Variants in ZFP36L2 observed in about 807,000 individuals in gnomAD.
ZFP36L2 encodes the protein ZFP36 like 2 zinc finger CCCH-type, also known as mRNA decay activator protein ZFP36L2.
ZFP36L2 carries 16 observed loss-of-function variants against 27.9 expected under a neutral mutation model. The observed-to-expected ratio is 0.57, with a 90% CI of 0.39 to 0.87. ZFP36L2 has a LOEUF of 0.87. Ranked by LOEUF, ZFP36L2 falls within the 40% of genes least tolerant of loss-of-function variation. The pLI, the probability that ZFP36L2 is intolerant of heterozygous loss-of-function variation, is 0.00. For missense variants in ZFP36L2, 989 were observed against 726.9 expected, an observed-to-expected ratio of 1.36 and a Z score of -4.15; for synonymous variants, 600 against 363.8, an observed-to-expected ratio of 1.65 and a Z score of -7.39.
Position 43,224,948 on chromosome 2 carries a change from G to T in ZFP36L2, c.856C>A (p.Arg286Ser), listed in dbSNP as rs1342586587. 1 of 1,550,890 alleles carries T rather than the reference G, an allele frequency of 6.4e-7. No homozygotes were observed. The highest frequency in any genetic ancestry group is 8.6e-7 in the Non-Finnish European group (1 of 1,164,830). The change falls in exon 2 of 2, where the codon CGC (arginine) becomes AGC (serine). Residue 286 changes from arginine to serine, a missense_variant. Physicochemically the swap from Arg to Ser is moderately radical, Grantham distance 110 (BLOSUM62 -1). Transcript: ENST00000282388. ...SPLLLDSPTS[R>S]TPPPPSCSSA... ...GAGCAGGAGGGCGGCGGCGGCGTGC[G>T]CGACGTGGGGCTGTCGAGCAGCAGC...
At position 43,224,183 on chromosome 2, in the gene ZFP36L2, CG is replaced by C. The variant is rs1572680248; in HGVS notation, c.*135del. The C allele has an allele frequency of 1.4e-5, 12 of 856,996 alleles. No individual in the cohort carries two copies. Among genetic ancestry groups the C allele is most frequent in the Non-Finnish European group, 1.9e-5 (12 of 638,696 alleles). The allele number at this position is 856,996 out of a possible 1,614,324, so 53.1% of individuals were successfully genotyped here. Reference sequence around the variant, plus strand: ...GGCACAGAGTTCGAGTCCAAGTGCTCGGTCGGGCTTGCAGTCTGCCTAGGGC... The same window carrying C: ...GGCACAGAGTTCGAGTCCAAGTGCTCGTCGGGCTTGCAGTCTGCCTAGGGC... On this transcript the variant is annotated 3_prime_UTR_variant, in exon 2 of 2. Coordinates refer to ENST00000282388, the MANE Select transcript of ZFP36L2 (RefSeq NM_006887.5).
In ZFP36L2 at chr2:43,223,272, A is replaced by G. The variant is rs1667007110; in HGVS notation, c.*1047T>C. ...AATTAAGAATTTTGTACTCATTTACAATAAAATAACCAAGTGAAGTTACAA... is the reference window on the plus strand; with the variant it reads ...AATTAAGAATTTTGTACTCATTTACGATAAAATAACCAAGTGAAGTTACAA... On this transcript the variant is annotated 3_prime_UTR_variant, in exon 2 of 2. Transcript: ENST00000282388. The G allele has an allele frequency of 6.6e-6, 1 of 152,338 alleles. No homozygotes were observed. The highest frequency in any genetic ancestry group is 1.5e-5 in the Non-Finnish European group (1 of 68,046). 9.4% of individuals were successfully genotyped at this position (152,338 alleles called of 1,614,324 possible).
chr2:43,225,839 ATTC>A, intron 1 of ZFP36L2, 87 bp from the exon 2 acceptor site: 1 of 1,376,110 alleles, frequency 7.3e-7, no homozygotes, highest in Non-Finnish European at 9.8e-7. Flanking sequence ...TCCCAGCCTG[ATTC>A]TTTTCCTTTT....
chr2:43,226,539 C>G lies in ZFP36L2; in HGVS notation c.-224G>C. 1.9e-6 allele frequency: 1 copy of G among 538,470 alleles called. No individual in the cohort carries two copies. Among genetic ancestry groups the G allele is most frequent in the African/African-American group, 2.0e-5 (1 of 49,020 alleles). The allele number at this position is 538,470 out of a possible 1,614,324, so 33.4% of individuals were successfully genotyped here. A position where few individuals can be genotyped will look rare whatever the true frequency, so the allele number is the denominator to read the frequency against. On this transcript the variant is annotated 5_prime_UTR_variant, in exon 1 of 2. Transcript: ENST00000282388. ...AAGGAGAGAAGCGAGGAGCGCTCCTCCGCGCCCCGGGGTGCCCGGCCCGCC... is the reference window on the plus strand; with the variant it reads ...AAGGAGAGAAGCGAGGAGCGCTCCTGCGCGCCCCGGGGTGCCCGGCCCGCC...
Position 43,225,530 on chromosome 2 carries a change from C to T in ZFP36L2, c.274G>A (p.Ala92Thr), listed in dbSNP as rs1027565558. ...GTGCCGTAGGAGGTCGGACCGCCGG[C>T]CGCCGCGCTGCCGCAGCTGCTGCCG... ...ANGSSCGSAA[A>T]GGPTSYGTLK... The change falls in exon 2 of 2, where the codon GCC (alanine) becomes ACC (threonine). Residue 92 changes from alanine to threonine, a missense_variant. Coordinates refer to ENST00000282388, the MANE Select transcript of ZFP36L2 (RefSeq NM_006887.5). 52 of 1,586,006 alleles carry T rather than the reference C, an allele frequency of 3.3e-5. No homozygotes were observed. The highest frequency in any genetic ancestry group is 4.2e-5 in the Non-Finnish European group (49 of 1,170,060).
Position 43,226,512 on chromosome 2 carries a change from G to A in ZFP36L2, c.-197C>T. Reference sequence around the variant, plus strand: ...AGGGTCCGGCGGAGTGCGGCAGGGGGGAAGGAGAGAAGCGAGGAGCGCTCC... The same window carrying A: ...AGGGTCCGGCGGAGTGCGGCAGGGGAGAAGGAGAGAAGCGAGGAGCGCTCC... On this transcript the variant is annotated 5_prime_UTR_variant, in exon 1 of 2. Coordinates refer to ENST00000282388, the MANE Select transcript of ZFP36L2 (RefSeq NM_006887.5). 1 of 632,128 alleles carries A rather than the reference G, an allele frequency of 1.6e-6. No homozygotes were observed. The highest frequency in any genetic ancestry group is 3.2e-5 in the East Asian group (1 of 31,042). 39.2% of individuals were successfully genotyped at this position (632,128 alleles called of 1,614,324 possible).
chr2:43,225,599 G>C lies in ZFP36L2; in HGVS notation c.205C>G (p.Pro69Ala). The C allele has an allele frequency of 6.4e-7, 1 of 1,558,144 alleles. No individual in the cohort carries two copies. The highest frequency in any genetic ancestry group is 8.6e-7 in the Non-Finnish European group (1 of 1,158,254). ...SNLHALAHPAPSPGSCSPKFP... is the reference protein window; with the variant it reads ...SNLHALAHPAASPGSCSPKFP... Reference sequence around the variant, plus strand: ...TTGGGCGAGCAGCTGCCGGGGCTGGGCGCGGGGTGGGCGAGTGCATGCAGG... The same window carrying C: ...TTGGGCGAGCAGCTGCCGGGGCTGGCCGCGGGGTGGGCGAGTGCATGCAGG... The change falls in exon 2 of 2, where the codon CCC becomes GCC. Residue 69 changes from proline (P) to alanine (A), a missense_variant. Coordinates refer to ENST00000282388, the MANE Select transcript of ZFP36L2 (RefSeq NM_006887.5).
At chr2:43,225,790 G>A (rs1013054714) in intron 1 of ZFP36L2, 38 bp from the exon 2 acceptor site, 2 of 1,557,620 alleles carry the variant, frequency 1.3e-6, no homozygotes, top group Middle Eastern at 1.7e-4. Context: ...GATGAAAAAC[G>A]GAAGGGGAAG....
rs1038456482 is a variant in ZFP36L2, at chr2:43,226,357, T to G, written c.-42A>C. 6.4e-7 allele frequency: 1 copy of G among 1,555,988 alleles called. No individual in the cohort carries two copies. The highest frequency in any genetic ancestry group is 8.7e-7 in the Non-Finnish European group (1 of 1,149,668). ...GTGGCCGGAGCGGCAGGCCGGGAGG[T>G]CGGGAGGAGCCCTTGGGGCGGCGTG... On this transcript the variant is annotated 5_prime_UTR_variant, in exon 1 of 2. Coordinates refer to ENST00000282388, the MANE Select transcript of ZFP36L2 (RefSeq NM_006887.5).
Position 43,225,344 on chromosome 2 carries a change from A to G in ZFP36L2, c.460T>C (p.Tyr154His), listed in dbSNP as rs375096815. 1.2e-6 allele frequency: 2 copies of G among 1,613,248 alleles called. No individual in the cohort carries two copies. Among genetic ancestry groups the G allele is most frequent in the Non-Finnish European group, 1.7e-6 (2 of 1,179,972 alleles). The part of the protein sequence containing the change: ...GGGSQINSTR[Y>H]KTELCRPFEE... ...AAGGGCCGGCACAGCTCGGTCTTGT[A>G]GCGCGTGGAGTTGATCTGGGAGCCG... The change falls in exon 2 of 2, where the codon TAC (tyrosine) becomes CAC (histidine). Residue 154 changes from tyrosine (Y) to histidine (H), a missense_variant. Transcript: ENST00000282388.
In ZFP36L2 at chr2:43,225,589, C is replaced by G; in HGVS notation, c.215G>C (p.Gly72Ala). Residue 72 changes from glycine to alanine, a missense_variant, in exon 2 of 2, where the codon GGC (glycine) becomes GCC (alanine). Coordinates refer to ENST00000282388, the MANE Select transcript of ZFP36L2 (RefSeq NM_006887.5). ...GCCCGGGAACTTGGGCGAGCAGCTG[C>G]CGGGGCTGGGCGCGGGGTGGGCGAG... Reference protein sequence around the residue: ...HALAHPAPSPGSCSPKFPGAA... With the variant: ...HALAHPAPSPASCSPKFPGAA... 6.4e-7 allele frequency: 1 copy of G among 1,559,526 alleles called. No individual in the cohort carries two copies. Among genetic ancestry groups the G allele is most frequent in the African/African-American group, 1.3e-5 (1 of 74,092 alleles).
Position 43,226,441 on chromosome 2 carries a change from C to T in ZFP36L2, c.-126G>A. On this transcript the variant is annotated 5_prime_UTR_variant, in exon 1 of 2. Transcript: ENST00000282388. ...GGGCGGGGAGGGGCCGAAAGTTTGCCGGGGGGCGAGAGGAGAGGGCGAGTG... is the reference window on the plus strand; with the variant it reads ...GGGCGGGGAGGGGCCGAAAGTTTGCTGGGGGGCGAGAGGAGAGGGCGAGTG... 7.8e-7 allele frequency: 1 copy of T among 1,283,174 alleles called. No individual in the cohort carries two copies. Among genetic ancestry groups the T allele is most frequent in the Non-Finnish European group, 1.1e-6 (1 of 916,186 alleles). 79.5% of individuals were successfully genotyped at this position (1,283,174 alleles called of 1,614,324 possible).
chr2:43,226,317 T>C lies in ZFP36L2; in HGVS notation c.-2A>G. The C allele has an allele frequency of 6.3e-7, 1 of 1,582,830 alleles. No homozygotes were observed. Among genetic ancestry groups the C allele is most frequent in the Non-Finnish European group, 8.6e-7 (1 of 1,163,358 alleles). On this transcript the variant is annotated 5_prime_UTR_variant, in exon 1 of 2. Coordinates refer to ENST00000282388, the MANE Select transcript of ZFP36L2 (RefSeq NM_006887.5). ...GGCGGACAGAAGTGTGGTCGACATG[T>C]TTCTGGATCCCGCAGTGGCCGGAGC...
chr2:43,224,802 C>T lies in ZFP36L2; in HGVS notation c.1002G>A (p.Leu334=), dbSNP rs966994006. ...GGTCCTCGGCGCCCCCGGTGCCGTA[C>T]AGCAGAGCGGCCGCAGCCGCGGCCG... The part of the protein sequence containing the change: ...SAAAAAAAAL[L]YGTGGAEDLL... The change falls in exon 2 of 2, where the codon CTG becomes CTA. Residue 334 remains leucine, a synonymous_variant. Transcript: ENST00000282388. The T allele has an allele frequency of 3.5e-6, 5 of 1,436,068 alleles. No homozygotes were observed. In the African/African-American group the frequency reaches 6.0e-5, roughly 17 times the overall value. 89.0% of individuals were successfully genotyped at this position (1,436,068 alleles called of 1,614,324 possible).
Position 43,223,722 on chromosome 2 carries a change from T to A in ZFP36L2, c.*597A>T, listed in dbSNP as rs1667018073. 6.6e-6 allele frequency: 1 copy of A among 151,744 alleles called. No homozygotes were observed. 9.4% of individuals were successfully genotyped at this position (151,744 alleles called of 1,614,324 possible). On this transcript the variant is annotated 3_prime_UTR_variant, in exon 2 of 2. Transcript: ENST00000282388. ...ATTCTGTTAAAAAACAAAAAACACCTATGGGCTGAGGGCTAACTATCAAGG... is the reference window on the plus strand; with the variant it reads ...ATTCTGTTAAAAAACAAAAAACACCAATGGGCTGAGGGCTAACTATCAAGG...
At position 43,224,811 on chromosome 2, in the gene ZFP36L2, GGCCGCA is replaced by G; in HGVS notation, c.987_992del (p.Ala331_Ala332del). On this transcript the variant is annotated inframe_deletion, in exon 2 of 2. Coordinates refer to ENST00000282388, the MANE Select transcript of ZFP36L2 (RefSeq NM_006887.5). ...CGCCCCCGGTGCCGTACAGCAGAGC[GGCCGCA>G]GCCGCGGCCGCCGCGGAGGCGCAGC... 1 of 1,422,610 alleles carries G rather than the reference GGCCGCA, an allele frequency of 7.0e-7. No individual in the cohort carries two copies. The highest frequency in any genetic ancestry group is 9.1e-7 in the Non-Finnish European group (1 of 1,101,844). The allele number at this position is 1,422,610 out of a possible 1,614,324, so 88.1% of individuals were successfully genotyped here. A position where few individuals can be genotyped will look rare whatever the true frequency, so the allele number is the denominator to read the frequency against.
Position 43,225,059 on chromosome 2 carries a change from C to G in ZFP36L2, c.745G>C (p.Glu249Gln). 2 of 1,594,882 alleles carry G rather than the reference C, an allele frequency of 1.3e-6. No individual in the cohort carries two copies. Among genetic ancestry groups the G allele is most frequent in the South Asian group, 1.1e-5 (1 of 90,880 alleles). ...CTGTGGTGCAACTTGGGCCGCGGCTCCCGCGGGAAGCCCAGGTGCAACGCA... is the reference window on the plus strand; with the variant it reads ...CTGTGGTGCAACTTGGGCCGCGGCTGCCGCGGGAAGCCCAGGTGCAACGCA... ...RDALHLGFPR[E>Q]PRPKLHHSLS... The change falls in exon 2 of 2, where the codon GAG becomes CAG. Residue 249 changes from glutamate (E) to glutamine (Q), a missense_variant. Transcript: ENST00000282388.
In ZFP36L2 at chr2:43,224,066, A is replaced by C; in HGVS notation, c.*253T>G. 1 of 371,846 alleles carries C rather than the reference A, an allele frequency of 2.7e-6. No individual in the cohort carries two copies. The highest frequency in any genetic ancestry group is 3.9e-5 in the East Asian group (1 of 25,382). 23.0% of individuals were successfully genotyped at this position (371,846 alleles called of 1,614,324 possible). A position where few individuals can be genotyped will look rare whatever the true frequency, so the allele number is the denominator to read the frequency against. ...TATTTTGTTCAACAGAAAAAGTTCG[A>C]CTTTTTTGCTCAAAAAGAATGAAAC... On this transcript the variant is annotated 3_prime_UTR_variant, in exon 2 of 2. Coordinates refer to ENST00000282388, the MANE Select transcript of ZFP36L2 (RefSeq NM_006887.5).
Position 43,224,776 on chromosome 2 carries a change from A to G in ZFP36L2, c.1028T>C (p.Leu343Pro). Residue 343 changes from leucine to proline, a missense_variant, in exon 2 of 2, where the codon CTG becomes CCG. Leu to Pro is a moderately conservative substitution (Grantham distance 98). Transcript: ENST00000282388. ...LLYGTGGAED[L>P]LAPGAPCAAC... Reference sequence around the variant, plus strand: ...CGCGCACGGGGCCCCCGGCGCCAGCAGGTCCTCGGCGCCCCCGGTGCCGTA... The same window carrying G: ...CGCGCACGGGGCCCCCGGCGCCAGCGGGTCCTCGGCGCCCCCGGTGCCGTA... 6.8e-7 allele frequency: 1 copy of G among 1,472,292 alleles called. No individual in the cohort carries two copies. Among genetic ancestry groups the G allele is most frequent in the Non-Finnish European group, 8.9e-7 (1 of 1,118,272 alleles). The allele number at this position is 1,472,292 out of a possible 1,614,324, so 91.2% of individuals were successfully genotyped here.
Sources: gnomAD v4.1 joint callset for allele counts on GRCh38, gnomAD v4.1.1 for gene constraint, MANE v1.5 for transcripts, NCBI Gene and HGNC (gene_info 2026-07-23, HGNC 2026-07-21) for gene names.